Variants in SHROOM4 observed in about 807,000 individuals in gnomAD.
SHROOM4 encodes the protein protein Shroom4.
SHROOM4 carries 17 observed loss-of-function variants against 80.3 expected under a neutral mutation model. That is an observed-to-expected ratio of 0.21 (90% CI 0.14 to 0.32). The LOEUF is 0.32. SHROOM4 is among the 10% of genes least tolerant of loss of function. The pLI is 1.00. For missense variants in SHROOM4, 993 were observed against 1,140.3 expected, an observed-to-expected ratio of 0.87 and a Z score of 1.86; for synonymous variants, 400 against 437.5, an observed-to-expected ratio of 0.91 and a Z score of 1.07.
chrX:50,743,308 G>GT (rs1557267382), intron 1 of SHROOM4, among the ~76,000 whole-genome samples: 3 of 110,998 alleles, frequency 2.7e-5, no homozygotes, highest in Non-Finnish European at 5.7e-5. Flanking sequence ...CTTCAGTATG[G>GT]TTTTGTTTTT....
intron 2 of SHROOM4, among the ~76,000 whole-genome samples, chrX:50,685,999 G>A (rs922704276): frequency 9.0e-6 from 1 of 111,122 alleles, no homozygotes; most frequent in African/African-American, 3.3e-5. Flanking sequence ...AATAACACCT[G>A]GTCTATGAGT....
rs781835410 is a variant in SHROOM4 at position 50,635,203 on chromosome X, G to A, written c.870C>T (p.Leu290=). The A allele has an allele frequency of 8.3e-7, 1 of 1,203,115 alleles. No homozygotes were observed. Among genetic ancestry groups the A allele is most frequent in the East Asian group, 3.0e-5 (1 of 33,469 alleles). The part of the protein sequence containing the change: ...RDSLQASRAQ[L]LNGEQRRASE... ...ATGCCCTGCGCTGCTCTCCATTGAG[G>A]AGTTGGGCTCTGGAGGCCTGAAGGC... The change falls in exon 4 of 9, where the codon CTC becomes CTT. Residue 290 remains leucine, a synonymous_variant. Transcript: ENST00000376020.
At chrX:50,641,829 C>T (rs1275335394) in intron 2 of SHROOM4, among the ~76,000 whole-genome samples, 8 of 112,141 alleles carry the variant, frequency 7.1e-5, no homozygotes, top group Non-Finnish European at 1.5e-4. Flanking sequence ...CCAGGTTCAT[C>T]TTGAACTCCT....
intron 1 of SHROOM4, among the ~76,000 whole-genome samples, chrX:50,757,760 T>G (rs1935068102): frequency 9.2e-6 from 1 of 108,862 alleles, no homozygotes; most frequent in South Asian, 4.2e-4. Flanking sequence ...GAGGTGGAGG[T>G]TGCAGTGAGC....
intron 2 of SHROOM4, among the ~76,000 whole-genome samples, chrX:50,689,387 G>A (rs1933164950): frequency 9.0e-6 from 1 of 111,714 alleles, no homozygotes; most frequent in Non-Finnish European, 1.9e-5. Flanking sequence ...GGCTAAACCA[G>A]AATATGTCAA....
At chrX:50,696,036 G>GAGCCATTCCCCA in intron 1 of SHROOM4, 99 bp from the exon 2 acceptor site, 1 of 981,428 alleles carries the variant, frequency 1.0e-6, no homozygotes, top group South Asian at 2.0e-5. Context: ...AGTAGTACTG[G>GAGCCATTCCCCA]GGAATGGCTC....
the SHROOM4 span, among the ~76,000 whole-genome samples, chrX:50,577,372 A>G: frequency 1.8e-5 from 2 of 112,703 alleles, no homozygotes; most frequent in South Asian, 7.4e-4. Flanking sequence ...GTGCCTCTGA[A>G]GTTGTGCAAA....
chrX:50,682,069 T>C (rs1433837991), intron 2 of SHROOM4, among the ~76,000 whole-genome samples: 1 of 112,241 alleles, frequency 8.9e-6, no homozygotes, highest in African/African-American at 3.2e-5. Context: ...CCTTTATATT[T>C]GGACGTCTTA....
At chrX:50,791,577 C>CTTTTTTT (rs782127144) in intron 1 of SHROOM4, among the ~76,000 whole-genome samples, 1 of 57,991 alleles carries the variant, frequency 1.7e-5, no homozygotes, top group Non-Finnish European at 2.9e-5. Context: ...CCATGCCTGA[C>CTTTTTTT]TTTTTTTTTT....
At chrX:50,768,303 G>T (rs1935320972) in intron 1 of SHROOM4, among the ~76,000 whole-genome samples, 1 of 111,970 alleles carries the variant, frequency 8.9e-6, no homozygotes, top group South Asian at 3.7e-4. Flanking sequence ...ATAGAAATAA[G>T]AACATTCTGG....
intron 4 of SHROOM4, among the ~76,000 whole-genome samples, chrX:50,630,689 A>G (rs781889928): frequency 1.5e-4 from 17 of 111,985 alleles, no homozygotes; most frequent in Non-Finnish European, 2.4e-4. Context: ...TTGCCTTATC[A>G]TATATCCATT....
chrX:50,681,768 G>T (rs1252529766), intron 2 of SHROOM4, among the ~76,000 whole-genome samples: 7 of 112,165 alleles, frequency 6.2e-5, no homozygotes, highest in African/African-American at 1.9e-4. Context: ...AGGCTATTTT[G>T]TTCACTGATA....
intron 1 of SHROOM4, among the ~76,000 whole-genome samples, chrX:50,788,462 C>A (rs1360553294): frequency 9.0e-6 from 1 of 110,629 alleles, no homozygotes; most frequent in Non-Finnish European, 1.9e-5. Context: ...AAAAAATTAG[C>A]CGGGCGTGGT....
Position 50,589,588 on chromosome X carries a change from A to G in SHROOM4, c.*7107T>C, listed in dbSNP as rs1276694208. 2.7e-5 allele frequency among the ~76,000 whole-genome samples: 3 copies of G among 111,686 alleles called. No individual in the cohort carries two copies. Among genetic ancestry groups the G allele is most frequent in the Non-Finnish European group, 5.6e-5 (3 of 53,120 alleles). On this transcript the variant is annotated 3_prime_UTR_variant, in exon 9 of 9. Coordinates refer to ENST00000376020, the MANE Select transcript of SHROOM4 (RefSeq NM_020717.5). ...CTTAGCATATTTTCAAGGTTCATCA[A>G]TGTTACATGTATCAGTATTTTATCC...
At chrX:50,681,976 C>T (rs781892031) in intron 2 of SHROOM4, among the ~76,000 whole-genome samples, 7 of 111,718 alleles carry the variant, frequency 6.3e-5, no homozygotes, top group Non-Finnish European at 1.1e-4. Flanking sequence ...CAATTACTAT[C>T]GACCCAAATA....
At chrX:50,617,856 T>C (rs1236889104) in intron 5 of SHROOM4, among the ~76,000 whole-genome samples, 1 of 111,138 alleles carries the variant, frequency 9.0e-6, no homozygotes, top group Non-Finnish European at 1.9e-5. Flanking sequence ...GAGTCACTTA[T>C]ATCAAGCAGG....
intron 1 of SHROOM4, among the ~76,000 whole-genome samples, chrX:50,770,887 A>G (rs1301261772): frequency 8.9e-6 from 1 of 111,869 alleles, no homozygotes; most frequent in Non-Finnish European, 1.9e-5. Flanking sequence ...CTTTGAAGTC[A>G]GAGAGAATGC....
intron 7 of SHROOM4, among the ~76,000 whole-genome samples, chrX:50,599,272 C>A (rs1929281968): frequency 9.0e-6 from 1 of 111,522 alleles, no homozygotes; most frequent in Non-Finnish European, 1.9e-5. Flanking sequence ...TTAAGTACCT[C>A]TCAAGTTCAT....
chrX:50,801,008 T>C (rs1557272523), intron 1 of SHROOM4, among the ~76,000 whole-genome samples: 1 of 109,612 alleles, frequency 9.1e-6, no homozygotes. Context: ...GATATATCAA[T>C]GATGTTTCTT....
Sources: gnomAD v4.1 joint callset for allele counts (sites outside exome capture counted in the v4.1 genomes callset) on GRCh38, gnomAD v4.1.1 for gene constraint, MANE v1.5 for transcripts, NCBI Gene and HGNC (gene_info 2026-07-23, HGNC 2026-07-21) for gene names.